The following GSTO1 variants were observed in gnomAD, a reference collection of about 807,000 sequenced individuals.
GSTO1 encodes glutathione S-transferase omega-1.
GSTO1 carries 27 observed loss-of-function variants against 23.8 expected under a neutral mutation model. The ratio of observed to expected loss-of-function variants is 1.13; its 90% CI spans 0.83 to 1.56. GSTO1 has a LOEUF of 1.56. Among genes scored for constraint, GSTO1 ranks in the 40% most tolerant of loss-of-function variants. GSTO1 has a pLI of 0.00. For missense variants in GSTO1, 255 were observed against 285.8 expected, an observed-to-expected ratio of 0.89 and a Z score of 0.78; for synonymous variants, 105 against 109.3, an observed-to-expected ratio of 0.96 and a Z score of 0.25.
chr10:104,255,390 TTAAAC>T (rs1031424318), intron 2 of GSTO1, 119 bp downstream of exon 2: 9 of 654,952 alleles, frequency 1.4e-5, no homozygotes, highest in African/African-American at 1.1e-4. Context: ...TTACTGCACA[TTAAAC>T]TATTCTCGGC....
intron 3 of GSTO1, among the ~76,000 whole-genome samples, chr10:104,262,185 A>G (rs74154775): frequency 0.074 from 11,212 of 152,168 alleles, 1,386 homozygotes; most frequent in African/African-American, 0.26. Flanking sequence ...GGGTTACAAG[A>G]TAAAATTCCA....
At chr10:104,260,748 G>A (rs910483137) in intron 3 of GSTO1, among the ~76,000 whole-genome samples, 6 of 152,152 alleles carry the variant, frequency 3.9e-5, no homozygotes, top group Non-Finnish European at 7.4e-5. Flanking sequence ...AGAAAAAGAT[G>A]GTTAAAGAAA....
At chr10:104,266,000 G>C in intron 4 of GSTO1, 84 bp from the exon 5 acceptor site, 2 of 721,172 alleles carry the variant, frequency 2.8e-6, no homozygotes, top group Non-Finnish European at 4.9e-6. Flanking sequence ...TCTCTCACCT[G>C]CTCTACTTAT....
At chr10:104,260,195 C>G (rs548869013) in intron 3 of GSTO1, among the ~76,000 whole-genome samples, 1 of 152,268 alleles carries the variant, frequency 6.6e-6, no homozygotes, top group South Asian at 2.1e-4. Flanking sequence ...CTTCTGAGTT[C>G]CCATCCGTGT....
chr10:104,267,360 G>A lies in GSTO1; in HGVS notation c.681G>A (p.Glu227=), dbSNP rs2011206555. Residue 227 remains glutamate (E), a synonymous_variant, in exon 6 of 6, where the codon GAG becomes GAA. Coordinates refer to ENST00000369713, the MANE Select transcript of GSTO1 (RefSeq NM_004832.3). ...TSEKDWQGFL[E]LYLQNSPEAC... The stretch of plus-strand genomic sequence containing the variant: ...AGAAAGACTGGCAAGGTTTCCTAGA[G>A]CTCTACTTACAGAACAGCCCTGAGG... 6.2e-7 allele frequency: 1 copy of A among 1,613,786 alleles called. No individual in the cohort carries two copies. Among genetic ancestry groups the A allele is most frequent in the African/African-American group, 1.3e-5 (1 of 74,934 alleles).
intron 2 of GSTO1, among the ~76,000 whole-genome samples, chr10:104,257,015 T>C (rs998601118): frequency 6.6e-6 from 1 of 152,208 alleles, no homozygotes; most frequent in African/African-American, 2.4e-5. Context: ...GGGGATTATG[T>C]ATTTAAATCC....
chr10:104,262,260 T>C (rs1564837095), intron 3 of GSTO1, among the ~76,000 whole-genome samples: 1 of 152,214 alleles, frequency 6.6e-6, no homozygotes. Flanking sequence ...TCTGGCAGCC[T>C]CACAAACTGA....
At chr10:104,265,819 C>T (rs1404164255) in intron 4 of GSTO1, among the ~76,000 whole-genome samples, 1 of 152,132 alleles carries the variant, frequency 6.6e-6, no homozygotes, top group Admixed American at 6.6e-5. Context: ...TTCTGAATAC[C>T]AGTCCTTTGT....
At chr10:104,267,140 A>G (rs1251842342) in intron 5 of GSTO1, 112 bp from the exon 6 acceptor site, 1 of 603,340 alleles carries the variant, frequency 1.7e-6, no homozygotes, top group East Asian at 2.9e-5. Flanking sequence ...TTTTTAATGA[A>G]ATATTTAAGG....
chr10:104,258,746 C>T (rs930747055), intron 2 of GSTO1, among the ~76,000 whole-genome samples: 2 of 152,126 alleles, frequency 1.3e-5, no homozygotes, highest in Admixed American at 1.3e-4. Flanking sequence ...CCCAACTACT[C>T]GGGAGGTAGG....
At chr10:104,255,930 T>C (rs574225510) in intron 2 of GSTO1, among the ~76,000 whole-genome samples, 1 of 152,222 alleles carries the variant, frequency 6.6e-6, no homozygotes. Context: ...CAAGTATCCA[T>C]TGGAACCACT....
At chr10:104,261,195 A>C (rs1199490895) in intron 3 of GSTO1, among the ~76,000 whole-genome samples, 4 of 152,236 alleles carry the variant, frequency 2.6e-5, no homozygotes, top group Non-Finnish European at 5.9e-5. Flanking sequence ...GAGCTTTAAA[A>C]GTAAAGCTTT....
At chr10:104,258,726 C>T (rs899294456) in intron 2 of GSTO1, among the ~76,000 whole-genome samples, 7 of 152,084 alleles carry the variant, frequency 4.6e-5, no homozygotes, top group African/African-American at 9.7e-5. Context: ...TGATGGTGCA[C>T]GCCTGTGGTC....
At position 104,255,259 on chromosome 10, in the gene GSTO1, C is replaced by G; in HGVS notation, c.131C>G (p.Ala44Gly). 1 of 1,608,418 alleles carries G rather than the reference C, an allele frequency of 6.2e-7. No individual in the cohort carries two copies. Among genetic ancestry groups the G allele is most frequent in the South Asian group, 1.1e-5 (1 of 90,974 alleles). Residue 44 changes from alanine (A) to glycine (G), a missense_variant, in exon 2 of 6, where the codon GCC becomes GGC. By Grantham distance (60) the Ala-to-Gly change is moderately conservative. Coordinates refer to ENST00000369713, the MANE Select transcript of GSTO1 (RefSeq NM_004832.3). ...FAERTRLVLK[A>G]KGIRHEVINI... ...GAGAGGACGCGTCTAGTCCTGAAGG[C>G]CAAGGGAATCAGGTGGGCACCCAGG...
At chr10:104,259,544 C>G (rs547117420) in intron 2 of GSTO1, 32 bp from the exon 3 acceptor site, 1 of 1,410,144 alleles carries the variant, frequency 7.1e-7, no homozygotes, top group Non-Finnish European at 1.0e-6. Flanking sequence ...AAGTTGTTTC[C>G]TTCTCTTCAT....
chr10:104,255,030 C>T (rs2091595125), intron 1 of GSTO1, 68 bp downstream of exon 1: 2 of 1,518,804 alleles, frequency 1.3e-6, no homozygotes, highest in Middle Eastern at 1.8e-4. Flanking sequence ...GAGGCTGCTC[C>T]GGGAGCCCAG....
intron 2 of GSTO1, among the ~76,000 whole-genome samples, chr10:104,257,696 T>C (rs975168362): frequency 6.6e-6 from 1 of 152,180 alleles, no homozygotes; most frequent in African/African-American, 2.4e-5. Context: ...AGAAACTTTT[T>C]ACTCAAATTA....
intron 5 of GSTO1, 64 bp downstream of exon 5, chr10:104,266,254 T>C: frequency 2.3e-6 from 2 of 863,596 alleles, no homozygotes; most frequent in Admixed American, 3.7e-5. Flanking sequence ...ATATTGACCT[T>C]TCTTTATAAC....
rs555889152 is a variant in GSTO1, at chr10:104,265,736, G to A, written c.466-348G>A. On this transcript the variant is annotated intron_variant, in intron 4 of 5. Coordinates refer to ENST00000369713, the MANE Select transcript of GSTO1 (RefSeq NM_004832.3). ...CCATTTGGACATCATCTTTCTTGAAGATCAAGTCTTGCTCATTTTTCCAAT... is the reference window on the plus strand; with the variant it reads ...CCATTTGGACATCATCTTTCTTGAAAATCAAGTCTTGCTCATTTTTCCAAT... 4.6e-5 allele frequency among the ~76,000 whole-genome samples: 7 copies of A among 152,312 alleles called. 1 individual carries two copies. The highest frequency in any genetic ancestry group is 1.7e-4 in the African/African-American group (7 of 41,582).
Sources: gnomAD v4.1 joint callset for allele counts (sites outside exome capture counted in the v4.1 genomes callset) on GRCh38, gnomAD v4.1.1 for gene constraint, MANE v1.5 for transcripts, NCBI Gene and HGNC (gene_info 2026-07-23, HGNC 2026-07-21) for gene names.